The following HOXA3 variants were observed in gnomAD, a reference collection of about 807,000 sequenced individuals.
HOXA3 encodes homeobox A3.
In HOXA3, 8 loss-of-function variants were observed where a neutral mutation model predicts 30.3. That is an observed-to-expected ratio of 0.26 (90% confidence interval 0.15 to 0.48). HOXA3 has a LOEUF of 0.48. Ranked by LOEUF, HOXA3 falls within the 20% of genes least tolerant of loss-of-function variation. The probability of loss-of-function intolerance (pLI) is 0.99; values close to 1 mark genes in which losing one functional copy is unlikely to be tolerated. For synonymous variants in HOXA3, 323 were observed against 273.1 expected (o/e 1.18, Z -1.80); for missense variants, 653 against 614.4 (o/e 1.06, Z -0.66).
chr7:27,129,365 T>G (rs1277884800), intron 2 of HOXA3: 2 of 1,614,078 alleles, frequency 1.2e-6, no homozygotes, highest in South Asian at 1.1e-5. Flanking sequence ...TTGGGCAGTT[T>G]GTGGTCTTTC....
In HOXA3 at chr7:27,152,405, G is replaced by C. The variant is rs1307508411; in HGVS notation, c.-611C>G. On this transcript the variant is annotated 5_prime_UTR_variant, in exon 1 of 6. Coordinates refer to ENST00000612286, the MANE Select transcript of HOXA3 (RefSeq NM_153631.3). ...GGACGCAGGAAATTAGCCAGGTTGC[G>C]AGTTGCAAAGCTGCTGCCGCGGCGC... 4 of 1,166,990 alleles carry C rather than the reference G, an allele frequency of 3.4e-6. No homozygotes were observed. In the African/African-American group the frequency reaches 4.9e-5, roughly 14 times the overall value. 72.3% of individuals were successfully genotyped at this position (1,166,990 alleles called of 1,614,324 possible). A position where few individuals can be genotyped will look rare whatever the true frequency, so the allele number is the denominator to read the frequency against.
Position 27,142,503 on chromosome 7 carries a change from T to C in HOXA3, c.-493-2317A>G, listed in dbSNP as rs113992860. Among the ~76,000 whole-genome samples the C allele has an allele frequency of 2.8e-3, 426 of 152,252 alleles. 1 individual carries two copies. The highest frequency in any genetic ancestry group is 8.4e-3 in the African/African-American group (348 of 41,554). Reference sequence around the variant, plus strand: ...TCCAGCCCCGAGAGCCGCCTCCCGTTTCCAGCCTGCAGGGTTGGGGAGCCT... The same window carrying C: ...TCCAGCCCCGAGAGCCGCCTCCCGTCTCCAGCCTGCAGGGTTGGGGAGCCT... On this transcript the variant is annotated intron_variant, in intron 1 of 5. Coordinates refer to ENST00000612286, the MANE Select transcript of HOXA3 (RefSeq NM_153631.3).
chr7:27,146,775 G>A (rs1197325696), intron 1 of HOXA3, among the ~76,000 whole-genome samples: 1 of 152,204 alleles, frequency 6.6e-6, no homozygotes, highest in African/African-American at 2.4e-5. Context: ...AGAAGCCGGG[G>A]GAGATGAGGG....
At position 27,108,701 on chromosome 7, in the gene HOXA3, G is replaced by GTCGCCAGCGCAGCTT. The variant is rs1370992926; in HGVS notation, c.531_545dup (p.Glu177_Gly181dup). 6.2e-7 allele frequency: 1 copy of GTCGCCAGCGCAGCTT among 1,603,870 alleles called. No individual in the cohort carries two copies. The highest frequency in any genetic ancestry group is 8.5e-7 in the Non-Finnish European group (1 of 1,173,136). On this transcript the variant is annotated inframe_insertion, in exon 6 of 6. Transcript: ENST00000612286. This position sits in a 1 kb window ranked among gnomAD's most constrained non-coding sequence, Gnocchi z 5.0. ...ACGAAGCCTGCCCCGGCGGGCTCTTGTCGCCAGCGCAGCTTTCGCCTGCGA... is the reference window on the plus strand; with the variant it reads ...ACGAAGCCTGCCCCGGCGGGCTCTTGTCGCCAGCGCAGCTTTCGCCAGCGCAGCTTTCGCCTGCGA...
intron 1 of HOXA3, chr7:27,147,691 G>C (rs764297599): frequency 6.2e-7 from 1 of 1,613,676 alleles, no homozygotes; most frequent in East Asian, 2.2e-5. Context: ...GCCCAAGAAG[G>C]AGTCCTGGCC....
At chr7:27,130,873 C>G (rs1785529609) in intron 2 of HOXA3, 2 of 821,740 alleles carry the variant, frequency 2.4e-6, no homozygotes, top group Non-Finnish European at 2.0e-6. Context: ...CAAGTGCCCA[C>G]TCCTCCCCCT....
At chr7:27,118,870 C>T (rs2128047292) in intron 4 of HOXA3, among the ~76,000 whole-genome samples, 1 of 152,308 alleles carries the variant, frequency 6.6e-6, no homozygotes, top group Middle Eastern at 3.4e-3. Context: ...CCATACACTA[C>T]AGACGCAAGA....
intron 1 of HOXA3, chr7:27,151,564 C>T (rs1261585123): frequency 2.2e-6 from 1 of 456,724 alleles, no homozygotes; most frequent in Non-Finnish European, 4.4e-6. Context: ...CCATCCTCTC[C>T]TCCAACACAG....
Position 27,108,996 on chromosome 7 carries a change from G to C in HOXA3, c.527-276C>G, listed in dbSNP as rs1784207238. Among the ~76,000 whole-genome samples the C allele has an allele frequency of 6.6e-6, 1 of 152,186 alleles. No individual in the cohort carries two copies. Among genetic ancestry groups the C allele is most frequent in the Admixed American group, 6.5e-5 (1 of 15,284 alleles). Reference sequence around the variant, plus strand: ...TCCTGGTCTGGATTTTCTGTTTAGAGCTATTAACTTTCTGACTCATTTACT... The same window carrying C: ...TCCTGGTCTGGATTTTCTGTTTAGACCTATTAACTTTCTGACTCATTTACT... On this transcript the variant is annotated intron_variant, in intron 5 of 5. Transcript: ENST00000612286. This position sits in a 1 kb window ranked among gnomAD's most constrained non-coding sequence, Gnocchi z 5.0.
At chr7:27,118,137 G>A (rs4722657) in intron 4 of HOXA3, among the ~76,000 whole-genome samples, 120,393 of 152,154 alleles carry the variant, frequency 0.79, 48,753 homozygotes, top group South Asian at 0.88. Context: ...TGAACAATCG[G>A]CGGAAATACC....
intron 4 of HOXA3, chr7:27,121,117 C>T (rs948095607): frequency 3.3e-5 from 5 of 152,178 alleles, no homozygotes; most frequent in Non-Finnish European, 7.3e-5. Flanking sequence ...ACACTGCAAT[C>T]TGATTTCTCT....
chr7:27,118,485 G>A (rs1236113333), intron 4 of HOXA3, among the ~76,000 whole-genome samples: 3 of 152,212 alleles, frequency 2.0e-5, no homozygotes, highest in Non-Finnish European at 2.9e-5. Context: ...AGAATATTTA[G>A]CTTTGGGGGA....
chr7:27,143,067 G>T, intron 1 of HOXA3: 1 of 1,533,140 alleles, frequency 6.5e-7, no homozygotes, highest in African/African-American at 1.4e-5. Flanking sequence ...TGCAGCTTGC[G>T]CATCCAGGGG....
chr7:27,136,091 ACT>A (rs1785702638), intron 2 of HOXA3, among the ~76,000 whole-genome samples: 2 of 152,170 alleles, frequency 1.3e-5, no homozygotes, highest in South Asian at 2.1e-4. Flanking sequence ...TTGACATCAA[ACT>A]CTGTCTGGGC....
chr7:27,131,085 C>CA (rs1785544413), intron 2 of HOXA3, among the ~76,000 whole-genome samples: 1 of 152,156 alleles, frequency 6.6e-6, no homozygotes, highest in African/African-American at 2.4e-5. Flanking sequence ...CCCAGCCCCC[C>CA]AGCTTTGGTT....
rs1045361372 is a variant in HOXA3 at position 27,108,839 on chromosome 7, C to CAG, written c.527-121_527-120dup. The CAG allele has an allele frequency of 4.2e-6, 3 of 711,608 alleles. No homozygotes were observed. The African/African-American group carries it at 5.4e-5, about 13-fold the overall frequency. 44.1% of individuals were successfully genotyped at this position (711,608 alleles called of 1,614,324 possible). A position where few individuals can be genotyped will look rare whatever the true frequency, so the allele number is the denominator to read the frequency against. On this transcript the variant is annotated intron_variant, in intron 5 of 5. Transcript: ENST00000612286. This position sits in a 1 kb window ranked among gnomAD's most constrained non-coding sequence, Gnocchi z 5.0. ...AAAGGTTCCTGCATCCGTCAGGTCCCAGAGAGAAGTAGGAACTAGGTGCTA... is the reference window on the plus strand; with the variant it reads ...AAAGGTTCCTGCATCCGTCAGGTCCCAGAGAGAGAAGTAGGAACTAGGTGCTA...
At chr7:27,135,432 G>A (rs1374068511) in intron 2 of HOXA3, among the ~76,000 whole-genome samples, 1 of 152,074 alleles carries the variant, frequency 6.6e-6, no homozygotes, top group African/African-American at 2.4e-5. Flanking sequence ...TTTGTCACTG[G>A]CAGTGGTGGT....
intron 2 of HOXA3, among the ~76,000 whole-genome samples, chr7:27,137,429 C>G (rs927663672): frequency 2.2e-4 from 33 of 152,288 alleles, no homozygotes; most frequent in African/African-American, 7.9e-4. Context: ...AGGAGGAGCA[C>G]AGACACGCAC....
chr7:27,147,889 G>A lies in HOXA3; in HGVS notation c.-494+4399C>T, dbSNP rs1362591679. Reference sequence around the variant, plus strand: ...AGCAAATCGCACCAGCTGACGCGGCGGCGGCCAATGGGAGCGAACGCCGGA... The same window carrying A: ...AGCAAATCGCACCAGCTGACGCGGCAGCGGCCAATGGGAGCGAACGCCGGA... On this transcript the variant is annotated intron_variant, in intron 1 of 5. Transcript: ENST00000612286. 4 of 798,242 alleles carry A rather than the reference G, an allele frequency of 5.0e-6. No individual in the cohort carries two copies. The South Asian group carries it at 5.8e-5, about 12-fold the overall frequency. The allele number at this position is 798,242 out of a possible 1,614,324, so 49.4% of individuals were successfully genotyped here. A position where few individuals can be genotyped will look rare whatever the true frequency, so the allele number is the denominator to read the frequency against.
Sources: gnomAD v4.1 joint callset for allele counts (sites outside exome capture counted in the v4.1 genomes callset) on GRCh38, gnomAD v4.1.1 for gene constraint, Gnocchi (gnomAD v3.1) non-coding constraint, MANE v1.5 for transcripts, NCBI Gene and HGNC (gene_info 2026-07-23, HGNC 2026-07-21) for gene names.